UBE3C: variants seen among roughly 807,000 people sequenced by gnomAD.
The protein encoded by UBE3C is ubiquitin-protein ligase E3C.
A neutral mutation model predicts 129.4 loss-of-function variants in UBE3C; 42 were observed. That is an observed-to-expected ratio of 0.32 (90% CI 0.25 to 0.42). UBE3C has a LOEUF of 0.42. Among genes scored for constraint, UBE3C ranks in the 10% least tolerant of loss-of-function variants. UBE3C has a pLI of 1.00. For missense variants in UBE3C, 1,049 were observed against 1,319.1 expected (o/e 0.80, Z 3.17); for synonymous variants, 510 against 492.4 (o/e 1.04, Z -0.47).
At chr7:157,267,454 T>G (rs1797110367) in intron 22 of UBE3C, 131 bp from the exon 23 acceptor site, 2 of 1,119,396 alleles carry the variant, frequency 1.8e-6, no homozygotes, top group Non-Finnish European at 2.6e-6. Flanking sequence ...AAAGCAAATG[T>G]GGTTTCGGGA....
Position 157,139,298 on chromosome 7 carries a change from A to G in UBE3C, c.26A>G (p.Lys9Arg), listed in dbSNP as rs1001151242. The G allele has an allele frequency of 9.5e-6, 15 of 1,583,108 alleles. No individual in the cohort carries two copies. In the Admixed American group the frequency reaches 1.4e-4, roughly 14 times the overall value. The change falls in exon 1 of 23, where the codon AAG (lysine) becomes AGG (arginine). Residue 9 changes from lysine (K) to arginine (R), a missense_variant. Lys to Arg is a conservative substitution (Grantham distance 26). Coordinates refer to ENST00000348165, the MANE Select transcript of UBE3C (RefSeq NM_014671.3). ...ATGTTCAGCTTCGAAGGCGACTTCA[A>G]GACGCGGCCCAAGGTGTCCCTTGGC... Reference protein sequence around the residue: MFSFEGDFKTRPKVSLGGA... With the variant: MFSFEGDFRTRPKVSLGGA...
intron 10 of UBE3C, among the ~76,000 whole-genome samples, chr7:157,187,809 C>T (rs1001631829): frequency 7.2e-5 from 11 of 152,090 alleles, no homozygotes; most frequent in Admixed American, 6.5e-5. Context: ...ATCTCCTGAC[C>T]TTGTGATCCG....
At chr7:157,205,196 CCT>C (rs1445799603) in intron 11 of UBE3C, among the ~76,000 whole-genome samples, 1 of 152,148 alleles carries the variant, frequency 6.6e-6, no homozygotes, top group Non-Finnish European at 1.5e-5. Flanking sequence ...TCGTTTGTGC[CCT>C]GTCTGCAGGG....
At chr7:157,239,539 A>AT (rs1337283813) in intron 18 of UBE3C, among the ~76,000 whole-genome samples, 2 of 152,140 alleles carry the variant, frequency 1.3e-5, no homozygotes, top group African/African-American at 4.8e-5. Flanking sequence ...GTAAAAATGG[A>AT]TGGAACCACA....
At chr7:157,208,055 CTTTTTTTTTTTTTTTTTTT>C (rs35366316) in intron 13 of UBE3C, 120 bp downstream of exon 13, 1,526 of 93,604 alleles carry the variant, frequency 0.016, 10 homozygotes, top group Middle Eastern at 0.03. Context: ...ATTTGCAAGA[CTTTTTTTTTTTTTTTTTTT>C]TTTTTTTTTT....
chr7:157,142,165 T>C (rs899460987), intron 1 of UBE3C, among the ~76,000 whole-genome samples: 2 of 152,218 alleles, frequency 1.3e-5, no homozygotes, highest in Non-Finnish European at 2.9e-5. Flanking sequence ...TTTTCCTGAA[T>C]TCTCTTTGAC....
intron 19 of UBE3C, among the ~76,000 whole-genome samples, chr7:157,251,732 C>T (rs184126315): frequency 7.2e-5 from 11 of 152,210 alleles, no homozygotes; most frequent in Non-Finnish European, 1.3e-4. Flanking sequence ...TAAATATGTC[C>T]CTCAGATCTG....
At chr7:157,181,909 G>A (rs975838656) in intron 7 of UBE3C, among the ~76,000 whole-genome samples, 199 bp from the exon 8 acceptor site, 3 of 152,118 alleles carry the variant, frequency 2.0e-5, no homozygotes, top group Non-Finnish European at 4.4e-5. Context: ...AAAAATTAAC[G>A]AAAACATGGT....
intron 18 of UBE3C, among the ~76,000 whole-genome samples, chr7:157,247,914 A>G (rs762342700): frequency 6.6e-5 from 10 of 151,906 alleles, no homozygotes; most frequent in African/African-American, 2.4e-5. Flanking sequence ...ATAGGGTCCA[A>G]TAGCTGCGAG....
chr7:157,149,925 G>A (rs1807712508), intron 1 of UBE3C, among the ~76,000 whole-genome samples: 1 of 152,116 alleles, frequency 6.6e-6, no homozygotes, highest in Non-Finnish European at 1.5e-5. Context: ...GCCTCCAAAT[G>A]CCGCCCTTTA....
At chr7:157,250,539 TCTCAAAGTCCTGGG>T (rs1411332776) in intron 19 of UBE3C, among the ~76,000 whole-genome samples, 3 of 152,034 alleles carry the variant, frequency 2.0e-5, no homozygotes, top group Non-Finnish European at 4.4e-5. Context: ...TCCAGGCTGG[TCTCAAAGTCCTGGG>T]CTCAAGTGAT....
chr7:157,192,703 T>G, intron 10 of UBE3C: 2 of 795,192 alleles, frequency 2.5e-6, no homozygotes, highest in Non-Finnish European at 4.5e-6. Context: ...AATGACAAAA[T>G]GAGCTGCCTT....
At chr7:157,178,632 G>A in intron 5 of UBE3C, 58 bp from the exon 6 acceptor site, 2 of 1,556,916 alleles carry the variant, frequency 1.3e-6, no homozygotes, top group East Asian at 2.3e-5. Context: ...GTAACTTGGG[G>A]AAACTGGTGA....
chr7:157,158,219 C>T (rs758408906), intron 1 of UBE3C, among the ~76,000 whole-genome samples: 2 of 151,718 alleles, frequency 1.3e-5, no homozygotes, highest in African/African-American at 4.8e-5. Flanking sequence ...TTGGAGGCTG[C>T]GAAGAAAATT....
Position 157,167,497 on chromosome 7 carries a change from A to G in UBE3C, c.121-1551A>G, listed in dbSNP as rs1586657772. ...TAAACTGGAAGTGATGCTCACCTGT[A>G]AGATGACTGTGCATTTGTATATAAA... On this transcript the variant is annotated intron_variant, in intron 2 of 22. Transcript: ENST00000348165. Among the ~76,000 whole-genome samples, 3 of 151,962 alleles carry G rather than the reference A, an allele frequency of 2.0e-5. 1 individual carries two copies. The highest frequency in any genetic ancestry group is 2.0e-4 in the Admixed American group (3 of 15,278).
At chr7:157,199,307 A>C (rs1466803295) in intron 10 of UBE3C, among the ~76,000 whole-genome samples, 1 of 152,114 alleles carries the variant, frequency 6.6e-6, no homozygotes, top group Non-Finnish European at 1.5e-5. Context: ...ATTCTTAGCA[A>C]ATAAAACTCC....
intron 4 of UBE3C, among the ~76,000 whole-genome samples, chr7:157,172,874 C>A (rs1808416524): frequency 6.6e-6 from 1 of 152,170 alleles, no homozygotes; most frequent in African/African-American, 2.4e-5. Context: ...CACCTATTGC[C>A]TTTGAGTGAG....
intron 2 of UBE3C, among the ~76,000 whole-genome samples, chr7:157,165,917 A>G (rs57603221): frequency 0.058 from 8,849 of 152,172 alleles, 604 homozygotes; most frequent in African/African-American, 0.16. Flanking sequence ...GGTTTCCTTT[A>G]TAGGTGACTA....
Position 157,198,114 on chromosome 7 carries a change from C to T in UBE3C, c.1332-3607C>T, listed in dbSNP as rs144378723. ...AGCATTTGTTGGTTCATTGTAAGGT[C>T]TCAATTCTCCATCATCTAAACTGAA... is the stretch of plus-strand genomic sequence containing the variant. On this transcript the variant is annotated intron_variant, in intron 10 of 22. Transcript: ENST00000348165. 3,408 of 1,612,486 alleles carry T rather than the reference C, an allele frequency of 2.1e-3. 72 individuals are homozygous for T. The African/African-American group carries it at 0.04, about 19-fold the overall frequency.
Sources: allele counts gnomAD v4.1 joint callset (sites outside exome capture counted in the v4.1 genomes callset), GRCh38; gene constraint gnomAD v4.1.1; transcripts MANE v1.5; gene names NCBI Gene and HGNC (gene_info 2026-07-23, HGNC 2026-07-21).